MRPL1: variants seen among roughly 807,000 people sequenced by gnomAD.
The protein encoded by MRPL1 is mitochondrial ribosomal protein L1.
In MRPL1, 28 loss-of-function variants were observed where a neutral mutation model predicts 38.0. The observed-to-expected ratio is 0.74, with a 90% CI of 0.55 to 1.01. The LOEUF is 1.01. Ranked by LOEUF, MRPL1 falls within the 50% of genes least tolerant of loss-of-function variation. The pLI is 0.00. For missense variants in MRPL1, 358 were observed against 389.8 expected (o/e 0.92, Z 0.69); for synonymous variants, 123 against 126.7 (o/e 0.97, Z 0.20).
chr4:77,948,160 GC>G (rs1437243546), intron 7 of MRPL1, among the ~76,000 whole-genome samples: 4 of 152,116 alleles, frequency 2.6e-5, no homozygotes, highest in Admixed American at 2.6e-4. Flanking sequence ...TGGAAACCTT[GC>G]TTTTTCTTTA....
chr4:77,925,891 C>T (rs1489971838), intron 7 of MRPL1, among the ~76,000 whole-genome samples: 2 of 152,006 alleles, frequency 1.3e-5, no homozygotes, highest in East Asian at 3.9e-4. Flanking sequence ...TTTGTAGTTT[C>T]TATTTTTTAA....
At chr4:77,875,601 A>T (rs998181580) in intron 2 of MRPL1, among the ~76,000 whole-genome samples, 8 of 152,020 alleles carry the variant, frequency 5.3e-5, no homozygotes, top group Non-Finnish European at 1.2e-4. Flanking sequence ...GCAGTGAGCC[A>T]AGATCGCGCC....
intron 4 of MRPL1, among the ~76,000 whole-genome samples, chr4:77,885,763 C>T (rs1169892264): frequency 6.6e-6 from 1 of 152,148 alleles, no homozygotes; most frequent in Non-Finnish European, 1.5e-5. Flanking sequence ...TCCTAGCATT[C>T]ACCTAGTCTT....
At chr4:77,898,989 AT>A (rs745761741) in intron 6 of MRPL1, among the ~76,000 whole-genome samples, 4,569 of 95,068 alleles carry the variant, frequency 0.048, 95 homozygotes, top group East Asian at 0.16. Context: ...TTATGCACAG[AT>A]TTTTTTTTTT....
intron 7 of MRPL1, among the ~76,000 whole-genome samples, chr4:77,947,238 T>C (rs1274352476): frequency 6.6e-6 from 1 of 152,182 alleles, no homozygotes; most frequent in East Asian, 1.9e-4. Context: ...ATAGTAAGGG[T>C]TGCTAAGCAG....
intron 7 of MRPL1, among the ~76,000 whole-genome samples, chr4:77,948,193 A>G (rs1737316472): frequency 6.6e-6 from 1 of 152,188 alleles, no homozygotes; most frequent in African/African-American, 2.4e-5. Flanking sequence ...AATTTTAAGT[A>G]GGTATAGGTC....
chr4:77,933,115 T>C (rs927899536), intron 7 of MRPL1, among the ~76,000 whole-genome samples: 4 of 152,064 alleles, frequency 2.6e-5, no homozygotes, highest in African/African-American at 9.7e-5. Flanking sequence ...TGGCTAATTT[T>C]TAATTTTCTT....
At chr4:77,882,518 C>G (rs1024408031) in intron 2 of MRPL1, among the ~76,000 whole-genome samples, 1 of 152,164 alleles carries the variant, frequency 6.6e-6, no homozygotes, top group African/African-American at 2.4e-5. Context: ...AGACAACCAC[C>G]AGATCTACTT....
chr4:77,873,394 A>G (rs536841140), intron 2 of MRPL1, among the ~76,000 whole-genome samples: 1 of 152,346 alleles, frequency 6.6e-6, no homozygotes, highest in African/African-American at 2.4e-5. Context: ...GTATATAATA[A>G]TAGAATCATT....
chr4:77,871,556 A>G (rs972465128), intron 1 of MRPL1, among the ~76,000 whole-genome samples, 188 bp from the exon 2 acceptor site: 4 of 152,146 alleles, frequency 2.6e-5, no homozygotes, highest in Non-Finnish European at 4.4e-5. Flanking sequence ...CACCCGCCTC[A>G]GCCTCCTAAA....
chr4:77,934,773 A>G (rs1736924844), intron 7 of MRPL1, among the ~76,000 whole-genome samples: 2 of 152,230 alleles, frequency 1.3e-5, no homozygotes, highest in Admixed American at 1.3e-4. Context: ...AGAAGGTACA[A>G]GCAGCCCATA....
At chr4:77,915,421 C>T (rs921334659) in intron 7 of MRPL1, among the ~76,000 whole-genome samples, 3 of 152,008 alleles carry the variant, frequency 2.0e-5, no homozygotes, top group Non-Finnish European at 2.9e-5. Flanking sequence ...TAGTTTTTTT[C>T]GCTTCTCTTT....
chr4:77,888,114 G>A (rs1735725262), intron 5 of MRPL1, among the ~76,000 whole-genome samples: 1 of 152,114 alleles, frequency 6.6e-6, no homozygotes, highest in African/African-American at 2.4e-5. Flanking sequence ...TAATGTTGGT[G>A]CTTTTGGTTC....
chr4:77,905,679 A>G (rs986327263), intron 6 of MRPL1, among the ~76,000 whole-genome samples: 1 of 151,428 alleles, frequency 6.6e-6, no homozygotes, highest in African/African-American at 2.4e-5. Flanking sequence ...TAAAATCTAC[A>G]TCATCAATCT....
At chr4:77,903,970 A>G (rs997845551) in intron 6 of MRPL1, among the ~76,000 whole-genome samples, 3 of 152,104 alleles carry the variant, frequency 2.0e-5, no homozygotes, top group Non-Finnish European at 4.4e-5. Context: ...GGCTGAGCGC[A>G]GTGGCACACT....
At chr4:77,930,597 A>ATTAG (rs1736822340) in intron 7 of MRPL1, among the ~76,000 whole-genome samples, 1 of 152,182 alleles carries the variant, frequency 6.6e-6, no homozygotes. Flanking sequence ...ATTTGACTAC[A>ATTAG]CAGAGGCCAT....
chr4:77,925,043 T>C (rs1736680063), intron 7 of MRPL1, among the ~76,000 whole-genome samples: 1 of 152,194 alleles, frequency 6.6e-6, no homozygotes, highest in African/African-American at 2.4e-5. Flanking sequence ...ATCACCTAGA[T>C]TTACCAATTT....
At chr4:77,889,668 C>A (rs928359116) in intron 5 of MRPL1, among the ~76,000 whole-genome samples, 1 of 152,016 alleles carries the variant, frequency 6.6e-6, no homozygotes, top group Non-Finnish European at 1.5e-5. Context: ...ACAAAAAACC[C>A]TTCAAAAAAT....
chr4:77,868,237 G>A (rs1264813209), intron 1 of MRPL1, among the ~76,000 whole-genome samples: 1 of 150,390 alleles, frequency 6.6e-6, no homozygotes, highest in East Asian at 2.0e-4. Context: ...TAACTTTTGT[G>A]TGTATATTTT....
Sources: allele counts gnomAD v4.1 joint callset (sites outside exome capture counted in the v4.1 genomes callset), GRCh38; gene constraint gnomAD v4.1.1; transcripts MANE v1.5; gene names NCBI Gene and HGNC (gene_info 2026-07-23, HGNC 2026-07-21).